Variants in CCDC6 observed in about 807,000 individuals in gnomAD.
CCDC6 encodes the protein coiled-coil domain-containing protein 6.
Under a neutral mutation model 56.6 loss-of-function variants are expected in CCDC6, and 20 were observed. The ratio of observed to expected loss-of-function variants is 0.35; its 90% CI spans 0.25 to 0.51. The LOEUF is 0.51. Ranked by LOEUF, CCDC6 falls within the 20% of genes least tolerant of loss-of-function variation. The probability of loss-of-function intolerance (pLI) is 0.95; values close to 1 mark genes in which losing one functional copy is unlikely to be tolerated. For missense variants in CCDC6, 367 were observed against 601.1 expected (o/e 0.61, Z 4.07); for synonymous variants, 241 against 234.4 (o/e 1.03, Z -0.26).
intron 1 of CCDC6, among the ~76,000 whole-genome samples, chr10:59,892,388 G>C (rs996678814): frequency 1.3e-5 from 2 of 152,094 alleles, no homozygotes; most frequent in Non-Finnish European, 2.9e-5. Flanking sequence ...GTATAATCCT[G>C]GCTCACCAAA....
At chr10:59,803,907 A>G (rs2070597302) in intron 7 of CCDC6, among the ~76,000 whole-genome samples, 1 of 152,212 alleles carries the variant, frequency 6.6e-6, no homozygotes. Context: ...CTTTAAACAG[A>G]TAGGCCCTGC....
At chr10:59,863,157 TTAGAGA>T (rs1398167539) in intron 1 of CCDC6, among the ~76,000 whole-genome samples, 1 of 152,112 alleles carries the variant, frequency 6.6e-6, no homozygotes, top group African/African-American at 2.4e-5. Context: ...GATATATTGC[TTAGAGA>T]TAACTTATGA....
In CCDC6 at chr10:59,852,678, C is replaced by T; in HGVS notation, c.328G>A (p.Glu110Lys). The T allele has an allele frequency of 6.3e-7, 1 of 1,591,058 alleles. No homozygotes were observed. The change falls in exon 2 of 9, where the codon GAA (glutamate) becomes AAA (lysine). Residue 110 changes from glutamate (E) to lysine (K), a missense_variant. Coordinates refer to ENST00000263102, the MANE Select transcript of CCDC6 (RefSeq NM_005436.5). ...TTGAATAAAGTGTTACTAATGAATT[C>T]TTCTTCCTGCTCAGCCCTGGCTTGC... The part of the protein sequence containing the change: ...TIQARAEQEE[E>K]FISNTLFKKI...
chr10:59,871,737 A>G (rs2071231398), intron 1 of CCDC6, among the ~76,000 whole-genome samples: 1 of 152,132 alleles, frequency 6.6e-6, no homozygotes. Context: ...AATGGGAGAT[A>G]ATATGAAGTC....
chr10:59,902,416 T>TAC (rs2071510585), intron 1 of CCDC6, among the ~76,000 whole-genome samples: 2 of 135,738 alleles, frequency 1.5e-5, no homozygotes, highest in Non-Finnish European at 1.5e-5. Flanking sequence ...TTTTTTGAGA[T>TAC]GAAGTCTGGC....
chr10:59,876,813 C>G (rs1308147281), intron 1 of CCDC6, among the ~76,000 whole-genome samples: 1 of 152,082 alleles, frequency 6.6e-6, no homozygotes, highest in Admixed American at 6.5e-5. Flanking sequence ...TATTTCATTA[C>G]ATTGAGATTT....
chr10:59,878,356 G>A (rs2071302277), intron 1 of CCDC6, among the ~76,000 whole-genome samples: 1 of 152,080 alleles, frequency 6.6e-6, no homozygotes, highest in African/African-American at 2.4e-5. Flanking sequence ...ACTTGAATTG[G>A]TCTGAGTTTT....
intron 2 of CCDC6, among the ~76,000 whole-genome samples, chr10:59,851,232 A>G (rs2071036888): frequency 6.6e-6 from 1 of 151,592 alleles, no homozygotes; most frequent in Non-Finnish European, 1.5e-5. Context: ...TTACATCCCC[A>G]TGATTCTAGA....
chr10:59,805,756 A>G (rs1405491286), intron 6 of CCDC6, among the ~76,000 whole-genome samples: 1 of 152,230 alleles, frequency 6.6e-6, no homozygotes. Flanking sequence ...ATAGGTATTT[A>G]AAATAGAATA....
At chr10:59,831,545 C>A (rs910832514) in intron 3 of CCDC6, among the ~76,000 whole-genome samples, 13 of 152,166 alleles carry the variant, frequency 8.5e-5, no homozygotes, top group African/African-American at 3.1e-4. Flanking sequence ...ATAAATCAGA[C>A]AACTTTAATG....
intron 1 of CCDC6, among the ~76,000 whole-genome samples, chr10:59,856,698 C>T (rs1363363096): frequency 2.0e-5 from 3 of 152,168 alleles, no homozygotes; most frequent in Admixed American, 6.5e-5. Context: ...GAAGAAAAAA[C>T]AGGCTACCTC....
At chr10:59,804,554 C>G (rs758440288) in intron 6 of CCDC6, 34 bp from the exon 7 acceptor site, 1 of 1,258,452 alleles carries the variant, frequency 7.9e-7, no homozygotes, top group Non-Finnish European at 1.2e-6. Context: ...ATAAAACCAC[C>G]TGCATTTAAA....
intron 1 of CCDC6, among the ~76,000 whole-genome samples, chr10:59,905,521 CAG>C (rs1164390269): frequency 6.6e-6 from 1 of 152,218 alleles, no homozygotes; most frequent in African/African-American, 2.4e-5. Context: ...GAGCTTCCAA[CAG>C]AGGTGGGAGC....
At chr10:59,855,753 C>A (rs191289145) in intron 1 of CCDC6, among the ~76,000 whole-genome samples, 1 of 152,290 alleles carries the variant, frequency 6.6e-6, no homozygotes, top group Admixed American at 6.5e-5. Context: ...GTGAATGTTA[C>A]AGCATGTGAA....
intron 2 of CCDC6, among the ~76,000 whole-genome samples, chr10:59,843,626 T>C (rs773547526): frequency 6.6e-6 from 1 of 152,242 alleles, no homozygotes; most frequent in Admixed American, 6.5e-5. Context: ...TTCATGTGCA[T>C]GGATCTTTAA....
chr10:59,791,511 A>G lies in CCDC6; in HGVS notation c.*1406T>C, dbSNP rs1212243542. The G allele has an allele frequency of 2.0e-5, 4 of 195,598 alleles. No homozygotes were observed. Among genetic ancestry groups the G allele is most frequent in the Non-Finnish European group, 4.3e-5 (4 of 93,872 alleles). The allele number at this position is 195,598 out of a possible 1,614,324, so 12.1% of individuals were successfully genotyped here. On this transcript the variant is annotated 3_prime_UTR_variant, in exon 9 of 9. Coordinates refer to ENST00000263102, the MANE Select transcript of CCDC6 (RefSeq NM_005436.5). ...GAGTTGGCTATTAGAGATGGTTGTCACAAAACATGGACTCTTAAAAATTAC... is the reference window on the plus strand; with the variant it reads ...GAGTTGGCTATTAGAGATGGTTGTCGCAAAACATGGACTCTTAAAAATTAC...
chr10:59,816,358 T>C (rs1364886154), intron 3 of CCDC6, among the ~76,000 whole-genome samples: 1 of 152,132 alleles, frequency 6.6e-6, no homozygotes, highest in Non-Finnish European at 1.5e-5. Flanking sequence ...GCCATAAAAA[T>C]AGCTGTAGAA....
intron 3 of CCDC6, among the ~76,000 whole-genome samples, chr10:59,815,352 G>A (rs1423749123): frequency 6.6e-6 from 1 of 152,136 alleles, no homozygotes; most frequent in Non-Finnish European, 1.5e-5. Flanking sequence ...TTGCAGTTGC[G>A]GAGGGAACCC....
intron 1 of CCDC6, among the ~76,000 whole-genome samples, chr10:59,887,989 C>T (rs1267654982): frequency 6.6e-6 from 1 of 152,178 alleles, no homozygotes; most frequent in Non-Finnish European, 1.5e-5. Context: ...GAGGTACACA[C>T]TACCTACTCC....
Sources: allele counts gnomAD v4.1 joint callset (sites outside exome capture counted in the v4.1 genomes callset), GRCh38; gene constraint gnomAD v4.1.1; transcripts MANE v1.5; gene names NCBI Gene and HGNC (gene_info 2026-07-23, HGNC 2026-07-21).